Variants in LIMCH1 observed in about 807,000 individuals in gnomAD.
LIMCH1 encodes LIM and calponin homology domains-containing protein 1.
LIMCH1 carries 113 observed loss-of-function variants against 176.5 expected under a neutral mutation model. The observed-to-expected ratio is 0.64, with a 90% CI of 0.55 to 0.75. The LOEUF (loss-of-function observed/expected upper bound fraction) is 0.75. Ranked by LOEUF, LIMCH1 falls within the 30% of genes least tolerant of loss-of-function variation. The pLI, the probability that LIMCH1 is intolerant of heterozygous loss-of-function variation, is 0.00. For synonymous variants in LIMCH1, 619 were observed against 645.9 expected, an observed-to-expected ratio of 0.96 and a Z score of 0.63; for missense variants, 1,674 against 1,814.9, an observed-to-expected ratio of 0.92 and a Z score of 1.41.
chr4:41,454,481 G>C (rs1003103519), intron 1 of LIMCH1, among the ~76,000 whole-genome samples: 1 of 152,220 alleles, frequency 6.6e-6, no homozygotes. Flanking sequence ...GAGGGAGAGA[G>C]AGAGAATGTG....
At chr4:41,365,640 A>G (rs1296873455) in intron 1 of LIMCH1, among the ~76,000 whole-genome samples, 1 of 152,172 alleles carries the variant, frequency 6.6e-6, no homozygotes, top group African/African-American at 2.4e-5. Flanking sequence ...GGAAGAAAAA[A>G]CTTTTCTGGC....
At chr4:41,374,561 A>G (rs1349269028) in intron 1 of LIMCH1, among the ~76,000 whole-genome samples, 1 of 131,434 alleles carries the variant, frequency 7.6e-6, no homozygotes, top group East Asian at 2.1e-4. Flanking sequence ...AATTTTTTTC[A>G]TTCAATTTTT....
chr4:41,581,922 C>T (rs555668147), intron 1 of LIMCH1, among the ~76,000 whole-genome samples: 1 of 151,958 alleles, frequency 6.6e-6, no homozygotes, highest in South Asian at 2.1e-4. Flanking sequence ...AGTTCATCCA[C>T]GTTCTCACAA....
At chr4:41,469,658 G>T (rs2066651797) in intron 1 of LIMCH1, among the ~76,000 whole-genome samples, 1 of 99,682 alleles carries the variant, frequency 1.0e-5, no homozygotes, top group African/African-American at 6.2e-5. Context: ...GTCATAGCTT[G>T]TTTTGAGATT....
At chr4:41,549,682 G>C (rs2080110439) in intron 1 of LIMCH1, among the ~76,000 whole-genome samples, 1 of 152,144 alleles carries the variant, frequency 6.6e-6, no homozygotes, top group Non-Finnish European at 1.5e-5. Context: ...TCCAAGAGCA[G>C]AGTGGATTTC....
At chr4:41,633,517 C>G in intron 12 of LIMCH1, 31 bp from the exon 13 acceptor site, 2 of 1,531,214 alleles carry the variant, frequency 1.3e-6, no homozygotes, top group Non-Finnish European at 1.7e-6. Flanking sequence ...AGTAAGTGGC[C>G]TTTGACTGGC....
rs112755253 is a variant in LIMCH1, at chr4:41,433,954, C to T, written c.97-60582C>T. 5.9e-5 allele frequency among the ~76,000 whole-genome samples: 9 copies of T among 152,200 alleles called. No homozygotes were observed. In the South Asian group the frequency reaches 8.3e-4, roughly 14 times the overall value. ...TCTTAGCTGGTGGGAACACCAAGGG[C>T]GGAGGAGAGTTTTGTCCCACTTTCT... On this transcript the variant is annotated intron_variant, in intron 1 of 26. Transcript: ENST00000313860.
At chr4:41,682,599 T>G (rs1716916535) in intron 26 of LIMCH1, 139 bp downstream of exon 26, 2 of 724,676 alleles carry the variant, frequency 2.8e-6, no homozygotes, top group Admixed American at 3.5e-5. Flanking sequence ...ACATATTGTT[T>G]GGACATATTT....
At chr4:41,662,736 C>A in intron 19 of LIMCH1, 85 bp from the exon 20 acceptor site, 1 of 1,415,090 alleles carries the variant, frequency 7.1e-7, no homozygotes, top group African/African-American at 1.4e-5. Flanking sequence ...ACTGAATGTA[C>A]TTCATGGCAT....
rs114351814 is a variant in LIMCH1, at chr4:41,439,101, G to A, written c.97-55435G>A. Among the ~76,000 whole-genome samples the A allele has an allele frequency of 5.1e-3, 782 of 152,302 alleles. 12 individuals carry two copies. The highest frequency in any genetic ancestry group is 0.018 in the African/African-American group (730 of 41,560). ...ATATGTGGAAGATGTACCCTTCAGC[G>A]TGCAGATGGTGTGGTTTTCTTATTC... On this transcript the variant is annotated intron_variant, in intron 1 of 26. Transcript: ENST00000313860.
chr4:41,450,229 G>A (rs1424108613), intron 1 of LIMCH1, among the ~76,000 whole-genome samples: 1 of 152,014 alleles, frequency 6.6e-6, no homozygotes, highest in Non-Finnish European at 1.5e-5. Context: ...TCCTAGTTAG[G>A]AACAAGATAT....
chr4:41,588,156 A>G (rs982901266), intron 1 of LIMCH1, among the ~76,000 whole-genome samples: 3 of 152,006 alleles, frequency 2.0e-5, no homozygotes, highest in East Asian at 1.9e-4. Flanking sequence ...TCATTGTTCA[A>G]TTCCCACCTA....
At chr4:41,417,612 C>T (rs2060058883) in intron 1 of LIMCH1, among the ~76,000 whole-genome samples, 1 of 152,134 alleles carries the variant, frequency 6.6e-6, no homozygotes, top group South Asian at 2.1e-4. Flanking sequence ...TCTCCACCTC[C>T]TGGGCTCAAG....
exon 2 of LIMCH1, chr4:41,494,563 A>C (rs1240683694): frequency 1.2e-6 from 2 of 1,613,268 alleles, no homozygotes; most frequent in Non-Finnish European, 1.7e-6. Flanking sequence ...TTTTGGTGAT[A>C]AAGATTTTCG....
chr4:41,457,098 G>GAAA (rs969679233), intron 1 of LIMCH1, among the ~76,000 whole-genome samples: 18 of 152,130 alleles, frequency 1.2e-4, no homozygotes, highest in Admixed American at 1.0e-3. Context: ...TAGATACAGA[G>GAAA]AAAATGCACG....
At chr4:41,402,817 G>T (rs1179628493) in intron 1 of LIMCH1, among the ~76,000 whole-genome samples, 2 of 138,960 alleles carry the variant, frequency 1.4e-5, no homozygotes, top group East Asian at 4.3e-4. Context: ...CACACTCTGG[G>T]GACTGTTGTG....
At chr4:41,407,739 T>G (rs2059115177) in intron 1 of LIMCH1, among the ~76,000 whole-genome samples, 1 of 152,174 alleles carries the variant, frequency 6.6e-6, no homozygotes, top group African/African-American at 2.4e-5. Flanking sequence ...CCTGCCTGCT[T>G]CTCATCATAG....
intron 14 of LIMCH1, 42 bp from the exon 15 acceptor site, chr4:41,644,458 G>A (rs1328063973): frequency 1.4e-6 from 2 of 1,446,920 alleles, no homozygotes; most frequent in Non-Finnish European, 1.8e-6. Flanking sequence ...CGCGACGGGC[G>A]CTGATCGCGG....
intron 27 of LIMCH1, among the ~76,000 whole-genome samples, chr4:41,684,793 C>A (rs1719306994): frequency 6.6e-6 from 1 of 152,136 alleles, no homozygotes; most frequent in South Asian, 2.1e-4. Flanking sequence ...GTAGTGCATT[C>A]TGAGACTTCC....
Sources: allele counts gnomAD v4.1 joint callset (sites outside exome capture counted in the v4.1 genomes callset), GRCh38; gene constraint gnomAD v4.1.1; transcripts MANE v1.5; gene names NCBI Gene and HGNC (gene_info 2026-07-23, HGNC 2026-07-21).